Variants in TUSC3 observed in about 807,000 individuals in gnomAD.
The protein encoded by TUSC3 is tumor suppressor candidate 3.
TUSC3 carries 45 observed loss-of-function variants against 44.8 expected under a neutral mutation model. That is an observed-to-expected ratio of 1.00 (90% CI 0.79 to 1.29). TUSC3 has a LOEUF of 1.29. TUSC3 is among the 50% of genes most tolerant of loss of function. The pLI, the probability that TUSC3 is intolerant of heterozygous loss-of-function variation, is 0.00. For missense variants in TUSC3, 519 were observed against 437.9 expected (o/e 1.19, Z -1.65); for synonymous variants, 212 against 152.9 (o/e 1.39, Z -2.85).
intron 6 of TUSC3, among the ~76,000 whole-genome samples, chr8:15,692,165 A>T (rs903472225): frequency 2.4e-4 from 36 of 152,170 alleles, no homozygotes; most frequent in Non-Finnish European, 5.1e-4. Context: ...CATACCAGGG[A>T]TAAAGACTAC....
At position 15,673,811 on chromosome 8, in the gene TUSC3, A is replaced by G. The variant is rs1292970191; in HGVS notation, c.773A>G (p.His258Arg). Residue 258 changes from histidine to arginine, a missense_variant, in exon 6 of 11, where the codon CAT (histidine) becomes CGT (arginine). His to Arg is a conservative substitution (Grantham distance 29). Transcript: ENST00000503731. Reference sequence around the variant, plus strand: ...CATATCCGTGGACCTCCATATGCTCATAAGAACCCACACAATGGACAAGTG... The same window carrying G: ...CATATCCGTGGACCTCCATATGCTCGTAAGAACCCACACAATGGACAAGTG... Reference protein sequence around the residue: ...WNHIRGPPYAHKNPHNGQVSY... With the variant: ...WNHIRGPPYARKNPHNGQVSY... 3 of 1,612,640 alleles carry G rather than the reference A, an allele frequency of 1.9e-6. No individual in the cohort carries two copies. Among genetic ancestry groups the G allele is most frequent in the Non-Finnish European group, 1.7e-6 (2 of 1,179,072 alleles).
chr8:15,577,651 C>T (rs1368932434), intron 1 of TUSC3, among the ~76,000 whole-genome samples: 1 of 147,028 alleles, frequency 6.8e-6, no homozygotes, highest in Non-Finnish European at 1.5e-5. Context: ...TCTGAGGGCT[C>T]TGTTCTGTTC....
chr8:15,614,245 TG>T (rs575914448), intron 1 of TUSC3, among the ~76,000 whole-genome samples: 335 of 152,228 alleles, frequency 2.2e-3, no homozygotes, highest in Non-Finnish European at 3.9e-3. Flanking sequence ...TAGGCTGAGA[TG>T]GGGGTCTTTA....
intron 10 of TUSC3, among the ~76,000 whole-genome samples, chr8:15,762,370 T>TA (rs1259413811): frequency 6.6e-6 from 1 of 152,032 alleles, no homozygotes; most frequent in Non-Finnish European, 1.5e-5. Flanking sequence ...AACTGATTGT[T>TA]ACACCAGGTT....
intron 6 of TUSC3, among the ~76,000 whole-genome samples, chr8:15,681,205 G>T (rs1294261470): frequency 9.7e-6 from 1 of 103,262 alleles, no homozygotes; most frequent in South Asian, 2.8e-4. Context: ...ATTCATCTGA[G>T]GATTCCGTCC....
At chr8:15,621,631 A>T (rs1805250081) in intron 1 of TUSC3, among the ~76,000 whole-genome samples, 1 of 148,078 alleles carries the variant, frequency 6.8e-6, no homozygotes, top group Admixed American at 6.8e-5. Context: ...TATTATATAT[A>T]GATAAATCTA....
chr8:15,748,520 T>G, intron 9 of TUSC3, 55 bp downstream of exon 9: 2 of 1,381,852 alleles, frequency 1.4e-6, no homozygotes, highest in Non-Finnish European at 2.1e-6. Flanking sequence ...AGAACAGAGT[T>G]TCAGTGGTTA....
At chr8:15,681,309 T>C (rs1808422258) in intron 6 of TUSC3, among the ~76,000 whole-genome samples, 1 of 152,028 alleles carries the variant, frequency 6.6e-6, no homozygotes, top group African/African-American at 2.4e-5. Context: ...TCCAGGGCTT[T>C]TTTTGGTTAG....
At chr8:15,840,275 T>G in the TUSC3 span, among the ~76,000 whole-genome samples, 1 of 152,050 alleles carries the variant, frequency 6.6e-6, no homozygotes, top group Non-Finnish European at 1.5e-5. Flanking sequence ...ATGCCTAATG[T>G]AAGTGATGAG....
At chr8:15,770,028 A>G (rs142957135), downstream of TUSC3, among the ~76,000 whole-genome samples, 124 of 152,356 alleles carry the variant, frequency 8.1e-4, 4 homozygotes, top group East Asian at 0.021. Flanking sequence ...TTCTAGAATC[A>G]GAAATACCAT....
upstream of TUSC3, among the ~76,000 whole-genome samples, chr8:15,539,345 C>CTTTTTTTTTTTTTTTTTTT (rs35685582): frequency 2.9e-5 from 2 of 69,404 alleles, no homozygotes; most frequent in East Asian, 5.0e-4. Context: ...TGCTATGGTT[C>CTTTTTTTTTTTTTTTTTTT]TTTTTTTTTT....
chr8:15,562,755 G>C (rs145673174), intron 1 of TUSC3, among the ~76,000 whole-genome samples: 1 of 152,086 alleles, frequency 6.6e-6, no homozygotes, highest in Non-Finnish European at 1.5e-5. Context: ...TCCAGCCATG[G>C]AGCACCATCT....
intron 1 of TUSC3, among the ~76,000 whole-genome samples, chr8:15,471,868 C>T (rs1398871315): frequency 6.6e-6 from 1 of 152,002 alleles, no homozygotes; most frequent in African/African-American, 2.4e-5. Flanking sequence ...TCCACCGACC[C>T]CTGCCTCCCA....
At chr8:15,569,467 C>T (rs976086900) in intron 1 of TUSC3, among the ~76,000 whole-genome samples, 3 of 152,010 alleles carry the variant, frequency 2.0e-5, no homozygotes, top group African/African-American at 7.3e-5. Flanking sequence ...TTTAACTTGC[C>T]TTGGAATATA....
chr8:15,420,282 A>C (rs1438685373), intron 1 of TUSC3, among the ~76,000 whole-genome samples: 3 of 152,212 alleles, frequency 2.0e-5, no homozygotes, highest in Middle Eastern at 3.4e-3. Context: ...AGATCACTTG[A>C]GGTCAGAAGC....
the TUSC3 span, among the ~76,000 whole-genome samples, chr8:15,835,386 G>A: frequency 2.0e-5 from 3 of 151,698 alleles, no homozygotes; most frequent in African/African-American, 7.3e-5. Flanking sequence ...TTTTTTAATG[G>A]AAGAATTGGA....
downstream of TUSC3, among the ~76,000 whole-genome samples, chr8:15,767,841 G>A (rs752671332): frequency 6.6e-6 from 1 of 152,142 alleles, no homozygotes; most frequent in Non-Finnish European, 1.5e-5. Flanking sequence ...AAAGATTGAA[G>A]TTGGGACAAA....
chr8:15,561,308 G>C (rs529538390), intron 1 of TUSC3, among the ~76,000 whole-genome samples: 1 of 147,898 alleles, frequency 6.8e-6, no homozygotes, highest in African/African-American at 2.5e-5. Context: ...CTCCCAGTTC[G>C]GCTGCTAGGA....
chr8:15,834,817 A>G, the TUSC3 span, among the ~76,000 whole-genome samples: 1 of 152,180 alleles, frequency 6.6e-6, no homozygotes, highest in East Asian at 1.9e-4. Flanking sequence ...TTACCCTTGA[A>G]CAACAAGGGT....
Sources: gnomAD v4.1 joint callset for allele counts (sites outside exome capture counted in the v4.1 genomes callset) on GRCh38, gnomAD v4.1.1 for gene constraint, MANE v1.5 for transcripts, NCBI Gene and HGNC (gene_info 2026-07-23, HGNC 2026-07-21) for gene names.